LIPN: variants seen among roughly 807,000 people sequenced by gnomAD.
The protein encoded by LIPN is lipase member N.
A neutral mutation model predicts 43.7 loss-of-function variants in LIPN; 32 were observed. The ratio of observed to expected loss-of-function variants is 0.73; its 90% CI spans 0.55 to 0.98. The LOEUF is 0.98. LIPN is among the 50% of genes least tolerant of loss of function. LIPN has a pLI of 0.00. For synonymous variants in LIPN, 156 were observed against 157.6 expected, an observed-to-expected ratio of 0.99 and a Z score of 0.08; for missense variants, 505 against 483.8, an observed-to-expected ratio of 1.04 and a Z score of -0.41.
intron 7 of LIPN, among the ~76,000 whole-genome samples, chr10:88,773,707 G>C (rs1843248438): frequency 1.3e-5 from 2 of 152,036 alleles, no homozygotes; most frequent in South Asian, 4.2e-4. Context: ...CAAGATAATT[G>C]TTCTGTACCC....
chr10:88,763,556 G>T (rs1228469688), intron 3 of LIPN, among the ~76,000 whole-genome samples: 4 of 152,034 alleles, frequency 2.6e-5, no homozygotes, highest in Non-Finnish European at 4.4e-5. Context: ...CACAAATGAT[G>T]AAATTAAGGC....
intron 4 of LIPN, among the ~76,000 whole-genome samples, chr10:88,765,887 CCT>C (rs1173330490): frequency 1.3e-5 from 2 of 151,812 alleles, no homozygotes; most frequent in Non-Finnish European, 2.9e-5. Flanking sequence ...TTACAAAACC[CCT>C]GTTTCCAAAG....
intron 7 of LIPN, among the ~76,000 whole-genome samples, chr10:88,772,315 A>T (rs1445733000): frequency 6.6e-6 from 1 of 151,810 alleles, no homozygotes; most frequent in Non-Finnish European, 1.5e-5. Flanking sequence ...TTGAGGGCTT[A>T]CCTCAAATTG....
At chr10:88,770,193 C>T (rs1843181314) in intron 6 of LIPN, among the ~76,000 whole-genome samples, 1 of 151,764 alleles carries the variant, frequency 6.6e-6, no homozygotes, top group Admixed American at 6.6e-5. Flanking sequence ...TTTACTTTCC[C>T]AACTCCTGGA....
Position 88,779,595 on chromosome 10 carries a change from A to G in LIPN, c.*1353A>G, listed in dbSNP as rs1843352198. On this transcript the variant is annotated 3_prime_UTR_variant, in exon 10 of 10. Coordinates refer to ENST00000404459, the MANE Select transcript of LIPN (RefSeq NM_001102469.2). ...TATATAATGAAAACTGAAGCAATAT[A>G]AAAAATAAAATTAGTTGTGTCAGGG... 6.6e-6 allele frequency among the ~76,000 whole-genome samples: 1 copy of G among 152,192 alleles called. No individual in the cohort carries two copies. Among genetic ancestry groups the G allele is most frequent in the Non-Finnish European group, 1.5e-5 (1 of 68,024 alleles).
intron 5 of LIPN, among the ~76,000 whole-genome samples, chr10:88,767,811 G>T (rs940439556): frequency 1.5e-4 from 23 of 151,190 alleles, no homozygotes; most frequent in African/African-American, 5.1e-4. Flanking sequence ...CCCACTCTTT[G>T]TAGGACATTT....
intron 4 of LIPN, among the ~76,000 whole-genome samples, chr10:88,765,753 A>G (rs1843085027): frequency 6.6e-6 from 1 of 151,628 alleles, no homozygotes; most frequent in African/African-American, 2.4e-5. Flanking sequence ...ATACTATTAA[A>G]CCCCGTTAGC....
intron 5 of LIPN, 112 bp from the exon 6 acceptor site, chr10:88,768,680 C>A: frequency 1.3e-6 from 1 of 750,574 alleles, no homozygotes; most frequent in South Asian, 2.0e-5. Context: ...CCAATTCATC[C>A]CCAGTATGAT....
upstream of LIPN, among the ~76,000 whole-genome samples, chr10:88,758,354 C>G (rs1842952187): frequency 1.5e-5 from 2 of 130,312 alleles, no homozygotes; most frequent in Admixed American, 1.6e-4. Context: ...CCACTATCAT[C>G]TAATTTTATT....
chr10:88,760,648 C>A lies in LIPN; in HGVS notation c.-9+542C>A, dbSNP rs557025951. Among the ~76,000 whole-genome samples the A allele has an allele frequency of 1.9e-4, 29 of 152,162 alleles. No individual in the cohort carries two copies. In the South Asian group the frequency reaches 5.8e-3, roughly 30 times the overall value. ...ATATATGACTTAATCCTCACTATAA[C>A]CCTATGAGATAGGTTACATTATTGT... On this transcript the variant is annotated intron_variant, in intron 1 of 9. Coordinates refer to ENST00000404459, the MANE Select transcript of LIPN (RefSeq NM_001102469.2).
At chr10:88,759,382 C>T (rs895851495), upstream of LIPN, among the ~76,000 whole-genome samples, 9 of 152,146 alleles carry the variant, frequency 5.9e-5, no homozygotes, top group African/African-American at 1.4e-4. Context: ...AACTGAGGCA[C>T]GTGTGCCTCC....
intron 5 of LIPN, among the ~76,000 whole-genome samples, chr10:88,768,421 A>G (rs444386): frequency 0.25 from 38,420 of 151,702 alleles, 5,083 homozygotes; most frequent in East Asian, 0.36. Context: ...GCTTCTGGAA[A>G]CTCTGTGATT....
chr10:88,768,519 C>G (rs1843149406), intron 5 of LIPN, among the ~76,000 whole-genome samples: 1 of 151,822 alleles, frequency 6.6e-6, no homozygotes, highest in African/African-American at 2.4e-5. Context: ...AGTAGCTACT[C>G]CAGCAGCTTA....
rs938577615 is a variant in LIPN at position 88,768,776 on chromosome 10, T to G, written c.536-16T>G. On this transcript the variant is annotated splice_polypyrimidine_tract_variant and intron_variant, in intron 5 of 9. Transcript: ENST00000404459. Reference sequence around the variant, plus strand: ...TATTTATTTTTACAAGATTGTCTTATCTCCTGTTCTCTCAGGGTTTGTAGC... The same window carrying G: ...TATTTATTTTTACAAGATTGTCTTAGCTCCTGTTCTCTCAGGGTTTGTAGC... The G allele has an allele frequency of 2.5e-6, 4 of 1,604,666 alleles. No homozygotes were observed. Among genetic ancestry groups the G allele is most frequent in the Non-Finnish European group, 3.4e-6 (4 of 1,175,772 alleles).
intron 7 of LIPN, among the ~76,000 whole-genome samples, chr10:88,771,748 T>C (rs146507762): frequency 5.3e-5 from 8 of 151,672 alleles, no homozygotes; most frequent in Admixed American, 3.9e-4. Context: ...GATTTCCTTT[T>C]TTTTTTTTTG....
intron 3 of LIPN, among the ~76,000 whole-genome samples, chr10:88,763,501 T>C (rs1049482251): frequency 2.0e-5 from 3 of 152,078 alleles, no homozygotes; most frequent in Non-Finnish European, 4.4e-5. Context: ...TCAGTTAAAC[T>C]TCTCATCAAC....
At chr10:88,770,642 T>C (rs1368013893) in intron 6 of LIPN, among the ~76,000 whole-genome samples, 1 of 151,910 alleles carries the variant, frequency 6.6e-6, no homozygotes, top group Non-Finnish European at 1.5e-5. Context: ...CAAGCATGGC[T>C]CTTTCCTAGA....
intron 3 of LIPN, 30 bp from the exon 4 acceptor site, chr10:88,764,380 C>A: frequency 6.5e-7 from 1 of 1,531,304 alleles, no homozygotes; most frequent in Non-Finnish European, 8.9e-7. Context: ...TCTCTTTCTC[C>A]CTCTCTCATC....
chr10:88,765,770 G>A (rs934082400), intron 4 of LIPN, among the ~76,000 whole-genome samples: 1 of 143,082 alleles, frequency 7.0e-6, no homozygotes, highest in African/African-American at 2.5e-5. Flanking sequence ...TAGCAGCCCC[G>A]TAAACCAGGT....
Sources: allele counts gnomAD v4.1 joint callset (sites outside exome capture counted in the v4.1 genomes callset), GRCh38; gene constraint gnomAD v4.1.1; transcripts MANE v1.5; gene names NCBI Gene and HGNC (gene_info 2026-07-23, HGNC 2026-07-21).